The following LRRTM4 variants were observed in gnomAD, a reference collection of about 807,000 sequenced individuals.
LRRTM4 encodes leucine rich repeat transmembrane neuronal 4, also known as leucine-rich repeat transmembrane neuronal protein 4.
LRRTM4 carries 25 observed loss-of-function variants against 47.6 expected under a neutral mutation model. That is an observed-to-expected ratio of 0.53 (90% confidence interval 0.38 to 0.73). The LOEUF is 0.73. LRRTM4 is among the 30% of genes least tolerant of loss of function. LRRTM4 has a pLI of 0.00. For synonymous variants in LRRTM4, 311 were observed against 269.5 expected (o/e 1.15, Z -1.51); for missense variants, 638 against 713.4 (o/e 0.89, Z 1.20).
At chr2:76,953,825 C>T (rs1401618637) in intron 3 of LRRTM4, among the ~76,000 whole-genome samples, 1 of 151,928 alleles carries the variant, frequency 6.6e-6, no homozygotes, top group Non-Finnish European at 1.5e-5. Context: ...TTATCTGACT[C>T]AGAGTCCTGA....
At position 77,219,713 on chromosome 2, in the gene LRRTM4, C is replaced by T. The variant is rs527430330; in HGVS notation, c.1551+298605G>A. 1.1e-3 allele frequency among the ~76,000 whole-genome samples: 167 copies of T among 152,226 alleles called. 1 individual carries two copies. Among genetic ancestry groups the T allele is most frequent in the African/African-American group, 3.8e-3 (156 of 41,548 alleles). ...CCTGAGGATTCCCGCCATTCTTTTA[C>T]GCAGCAGCTGTGCAACTTCAGGGAG... On this transcript the variant is annotated intron_variant, in intron 3 of 3. Coordinates refer to ENST00000409884, the MANE Select transcript of LRRTM4 (RefSeq NM_001134745.3).
chr2:76,952,944 T>C (rs1234657868), intron 3 of LRRTM4, among the ~76,000 whole-genome samples: 1 of 151,836 alleles, frequency 6.6e-6, no homozygotes, highest in African/African-American at 2.4e-5. Context: ...AGGAAACTAC[T>C]GCCTGTTCTC....
chr2:76,879,751 C>T (rs955496899), intron 3 of LRRTM4, among the ~76,000 whole-genome samples: 2 of 152,246 alleles, frequency 1.3e-5, no homozygotes, highest in Non-Finnish European at 2.9e-5. Flanking sequence ...AAATTGAAAA[C>T]CTTCTGGGAA....
At chr2:77,015,550 T>C (rs1026716634) in intron 3 of LRRTM4, among the ~76,000 whole-genome samples, 2 of 151,894 alleles carry the variant, frequency 1.3e-5, no homozygotes, top group African/African-American at 2.4e-5. Flanking sequence ...GGTCTCGAAC[T>C]CCTGACCTTG....
At chr2:77,345,207 C>G (rs1671518528) in intron 3 of LRRTM4, among the ~76,000 whole-genome samples, 1 of 151,162 alleles carries the variant, frequency 6.6e-6, no homozygotes, top group Admixed American at 6.6e-5. Context: ...ACCTAACAAA[C>G]ACATCAACAA....
chr2:77,035,193 C>T (rs1406872333), intron 3 of LRRTM4, among the ~76,000 whole-genome samples: 2 of 151,674 alleles, frequency 1.3e-5, no homozygotes, highest in African/African-American at 4.8e-5. Context: ...GATATATCTC[C>T]TAATGCTATC....
At position 77,186,243 on chromosome 2, in the gene LRRTM4, C is replaced by A. The variant is rs183893620; in HGVS notation, c.1551+332075G>T. Among the ~76,000 whole-genome samples, 20 of 152,238 alleles carry A rather than the reference C, an allele frequency of 1.3e-4. 1 individual carries two copies. In the East Asian group the frequency reaches 3.1e-3, roughly 24 times the overall value. ...CATCCAATCTTTCTGCTCTTTGATG[C>A]CATTTATTAGGTCTAGTGCTGTAAG... On this transcript the variant is annotated intron_variant, in intron 3 of 3. Coordinates refer to ENST00000409884, the MANE Select transcript of LRRTM4 (RefSeq NM_001134745.3).
chr2:76,796,167 C>T (rs1211574754), intron 3 of LRRTM4, among the ~76,000 whole-genome samples: 19 of 144,136 alleles, frequency 1.3e-4, no homozygotes, highest in African/African-American at 2.3e-4. Context: ...CAGGGTCCTA[C>T]GCCCACAGAG....
chr2:77,214,714 A>T (rs1674389279), intron 3 of LRRTM4, among the ~76,000 whole-genome samples: 2 of 151,240 alleles, frequency 1.3e-5, no homozygotes, highest in Non-Finnish European at 2.9e-5. Flanking sequence ...TTTTTTTACC[A>T]TTGCTAACTT....
At chr2:76,911,386 A>T (rs973513224) in intron 3 of LRRTM4, among the ~76,000 whole-genome samples, 3 of 152,258 alleles carry the variant, frequency 2.0e-5, no homozygotes, top group African/African-American at 7.2e-5. Context: ...ACAGCCAAGA[A>T]CAGTTACTGT....
In LRRTM4 at chr2:76,906,314, C is replaced by A. The variant is rs573234551; in HGVS notation, c.1552-157398G>T. Among the ~76,000 whole-genome samples, 8 of 151,982 alleles carry A rather than the reference C, an allele frequency of 5.3e-5. No individual in the cohort carries two copies. The South Asian group carries it at 1.7e-3, about 32-fold the overall frequency. On this transcript the variant is annotated intron_variant, in intron 3 of 3. Coordinates refer to ENST00000409884, the MANE Select transcript of LRRTM4 (RefSeq NM_001134745.3). ...CAAATGCTCAGAGATTTTGTCACCA[C>A]CAGGCCTGCCCTAAAAGAGCTCCTG...
chr2:77,006,552 G>A (rs745847311), intron 3 of LRRTM4, among the ~76,000 whole-genome samples: 2 of 152,152 alleles, frequency 1.3e-5, no homozygotes, highest in African/African-American at 2.4e-5. Flanking sequence ...GCATTCTGAG[G>A]TATAGAGGGG....
chr2:76,762,503 G>C (rs558904439), intron 3 of LRRTM4, among the ~76,000 whole-genome samples: 8 of 152,028 alleles, frequency 5.3e-5, no homozygotes, highest in Non-Finnish European at 1.2e-4. Flanking sequence ...AATGTGTGTC[G>C]CTTTCTCTGC....
chr2:76,842,254 G>A (rs2103937301), intron 3 of LRRTM4, among the ~76,000 whole-genome samples: 1 of 152,248 alleles, frequency 6.6e-6, no homozygotes, highest in East Asian at 1.9e-4. Context: ...TTCAGGCTTG[G>A]ATTAGAATCC....
intron 3 of LRRTM4, among the ~76,000 whole-genome samples, chr2:77,411,618 ATTTTTTTTTTT>A (rs1222177148): frequency 1.5e-5 from 1 of 64,810 alleles, no homozygotes; most frequent in Admixed American, 2.3e-4. Flanking sequence ...ATGCCCGGCT[ATTTTTTTTTTT>A]TTTTTTTTTT....
At chr2:77,111,197 C>T (rs1211898182) in intron 3 of LRRTM4, among the ~76,000 whole-genome samples, 1 of 151,958 alleles carries the variant, frequency 6.6e-6, no homozygotes, top group East Asian at 1.9e-4. Flanking sequence ...GCAACCTCTG[C>T]CTCCCGGGTT....
chr2:77,434,614 T>G (rs1675519481), intron 3 of LRRTM4, among the ~76,000 whole-genome samples: 1 of 152,192 alleles, frequency 6.6e-6, no homozygotes, highest in South Asian at 2.1e-4. Context: ...TACATAAAAT[T>G]AACATAATAG....
chr2:76,978,380 A>C (rs1676488041), intron 3 of LRRTM4, among the ~76,000 whole-genome samples: 1 of 152,094 alleles, frequency 6.6e-6, no homozygotes, highest in African/African-American at 2.4e-5. Flanking sequence ...TAGTTATGTT[A>C]GTGATGATGA....
intron 3 of LRRTM4, among the ~76,000 whole-genome samples, chr2:76,982,978 G>T (rs994900042): frequency 6.6e-6 from 1 of 151,992 alleles, no homozygotes; most frequent in South Asian, 2.1e-4. Context: ...GTAAATTGAA[G>T]ATCTGATAGT....
Sources: allele counts gnomAD v4.1 joint callset (sites outside exome capture counted in the v4.1 genomes callset), GRCh38; gene constraint gnomAD v4.1.1; transcripts MANE v1.5; gene names NCBI Gene and HGNC (gene_info 2026-07-23, HGNC 2026-07-21).